The following DCDC1 variants were observed in gnomAD, a reference collection of about 807,000 sequenced individuals.
DCDC1 encodes the protein doublecortin domain containing 1.
Under a neutral mutation model 178.3 loss-of-function variants are expected in DCDC1, and 200 were observed. The observed-to-expected ratio is 1.12, with a 90% confidence interval of 1.00 to 1.26. The LOEUF (loss-of-function observed/expected upper bound fraction) is 1.26, where lower values mean the gene tolerates loss of function less well. Among genes scored for constraint, DCDC1 ranks in the 50% most tolerant of loss-of-function variants. The probability of loss-of-function intolerance (pLI) is 0.00; values close to 1 mark genes in which losing one functional copy is unlikely to be tolerated. For synonymous variants in DCDC1, 690 were observed against 604.8 expected, an observed-to-expected ratio of 1.14 and a Z score of -2.07; for missense variants, 1,983 against 1,749.2, an observed-to-expected ratio of 1.13 and a Z score of -2.38.
rs978743090 is a variant in DCDC1 at position 31,329,863 on chromosome 11, T to G, written c.-6-1577A>C. Among the ~76,000 whole-genome samples the G allele has an allele frequency of 3.9e-5, 6 of 152,188 alleles. No homozygotes were observed. In the East Asian group the frequency reaches 9.6e-4, roughly 24 times the overall value. On this transcript the variant is annotated intron_variant, in intron 2 of 38. Coordinates refer to ENST00000684477, the MANE Select transcript of DCDC1 (RefSeq NM_001387274.1). ...TGAATAGTGCCACAATAAACATACGTGTACATGTGTCTTTATAGCAGCATG... is the reference window on the plus strand; with the variant it reads ...TGAATAGTGCCACAATAAACATACGGGTACATGTGTCTTTATAGCAGCATG...
intron 9 of DCDC1, among the ~76,000 whole-genome samples, chr11:31,193,835 G>A (rs1970389675): frequency 6.6e-6 from 1 of 152,000 alleles, no homozygotes; most frequent in South Asian, 2.1e-4. Context: ...AGGTCTTATG[G>A]GTCAAAATGT....
intron 8 of DCDC1, among the ~76,000 whole-genome samples, chr11:31,242,976 CT>C (rs1977355126): frequency 6.6e-6 from 1 of 151,800 alleles, no homozygotes; most frequent in Non-Finnish European, 1.5e-5. Context: ...GAGCCAATGA[CT>C]ATTGAAACAT....
chr11:30,959,758 A>G (rs1214226836), intron 20 of DCDC1, among the ~76,000 whole-genome samples: 5 of 152,178 alleles, frequency 3.3e-5, no homozygotes, highest in African/African-American at 1.2e-4. Flanking sequence ...ATTAGAACCT[A>G]GGGACAAGAG....
intron 1 of DCDC1, among the ~76,000 whole-genome samples, chr11:31,341,812 T>TACACACACACACACAC (rs34730979): frequency 1.3e-3 from 188 of 144,572 alleles, no homozygotes; most frequent in African/African-American, 4.5e-3. Flanking sequence ...TGCATGACTA[T>TACACACACACACACAC]ACACACACAC....
intron 20 of DCDC1, among the ~76,000 whole-genome samples, chr11:30,988,587 T>C (rs776025998): frequency 6.6e-6 from 1 of 152,176 alleles, no homozygotes; most frequent in Non-Finnish European, 1.5e-5. Flanking sequence ...TTCTAGAACA[T>C]ACTAAGCCTT....
intron 11 of DCDC1, among the ~76,000 whole-genome samples, chr11:31,115,740 T>G (rs1377065392): frequency 5.3e-5 from 8 of 152,002 alleles, no homozygotes; most frequent in Non-Finnish European, 7.4e-5. Context: ...TGAGGACCAA[T>G]GTTGGTGAGG....
chr11:31,067,529 C>T (rs1003248447), intron 18 of DCDC1, among the ~76,000 whole-genome samples: 3 of 152,004 alleles, frequency 2.0e-5, no homozygotes, highest in African/African-American at 7.2e-5. Flanking sequence ...CCCAGCAATT[C>T]CACTCCTAGT....
At chr11:31,190,624 A>G (rs1970025740) in intron 9 of DCDC1, among the ~76,000 whole-genome samples, 1 of 152,094 alleles carries the variant, frequency 6.6e-6, no homozygotes, top group South Asian at 2.1e-4. Flanking sequence ...TGTCCAAAAA[A>G]TTTACCCTGA....
chr11:31,178,334 T>C (rs1354097219), intron 9 of DCDC1, among the ~76,000 whole-genome samples: 1 of 152,184 alleles, frequency 6.6e-6, no homozygotes, highest in African/African-American at 2.4e-5. Context: ...AATTGGATAT[T>C]CACATGCAGA....
At chr11:30,886,788 T>A (rs1023038421) in intron 36 of DCDC1, among the ~76,000 whole-genome samples, 1 of 151,424 alleles carries the variant, frequency 6.6e-6, no homozygotes, top group Admixed American at 6.6e-5. Flanking sequence ...AACCAAAGGG[T>A]ATGGCAGTTG....
chr11:31,218,814 T>C (rs1973892980), intron 9 of DCDC1, among the ~76,000 whole-genome samples: 1 of 152,150 alleles, frequency 6.6e-6, no homozygotes, highest in Non-Finnish European at 1.5e-5. Flanking sequence ...AACTAGTATA[T>C]TAGTTGTGTA....
At chr11:30,929,738 T>C (rs1273648775) in intron 22 of DCDC1, among the ~76,000 whole-genome samples, 2 of 152,076 alleles carry the variant, frequency 1.3e-5, no homozygotes, top group Non-Finnish European at 2.9e-5. Context: ...ATGTAACTTA[T>C]AAAATTTTTC....
intron 2 of DCDC1, among the ~76,000 whole-genome samples, chr11:31,333,496 TG>T (rs1447364037): frequency 1.3e-5 from 2 of 152,246 alleles, no homozygotes; most frequent in Non-Finnish European, 2.9e-5. Context: ...CAATTTGGCA[TG>T]TTTTTGCAGT....
rs376049865 is a variant in DCDC1, at chr11:31,094,136, T to G, written c.2032A>C (p.Ser678Arg). ...CTGCTTGCTTCACTGCCTGAGAAACTCCACTTTCCAATGGAAACAGAGGCA... is the reference window on the plus strand; with the variant it reads ...CTGCTTGCTTCACTGCCTGAGAAACGCCACTTTCCAATGGAAACAGAGGCA... The part of the protein sequence containing the change: ...LHASVSIGKW[S>R]FSGSEASSRS... Residue 678 changes from serine (S) to arginine (R), a missense_variant, in exon 16 of 39, where the codon AGT becomes CGT. Coordinates refer to ENST00000684477, the MANE Select transcript of DCDC1 (RefSeq NM_001387274.1). 318 of 766,116 alleles carry G rather than the reference T, an allele frequency of 4.2e-4. No individual in the cohort carries two copies. The highest frequency in any genetic ancestry group is 3.7e-3 in the South Asian group (275 of 74,610). 47.5% of individuals were successfully genotyped at this position (766,116 alleles called of 1,614,324 possible).
chr11:30,863,839 T>G lies in DCDC1; in HGVS notation c.*1534A>C, dbSNP rs1440790575. ...CATCCACAGTTCTGTGCACAAACAT[T>G]TTTTGGGCTGGGTGTGGTGGCTTAC... On this transcript the variant is annotated 3_prime_UTR_variant, in exon 39 of 39. Coordinates refer to ENST00000684477, the MANE Select transcript of DCDC1 (RefSeq NM_001387274.1). The G allele has an allele frequency of 6.6e-6, 1 of 152,130 alleles. No homozygotes were observed. Among genetic ancestry groups the G allele is most frequent in the Non-Finnish European group, 1.5e-5 (1 of 68,016 alleles). The allele number at this position is 152,130 out of a possible 1,614,324, so 9.4% of individuals were successfully genotyped here.
At chr11:31,247,764 T>C (rs1565493114) in intron 8 of DCDC1, among the ~76,000 whole-genome samples, 3 of 152,082 alleles carry the variant, frequency 2.0e-5, no homozygotes, top group Non-Finnish European at 4.4e-5. Context: ...AATGACTTGA[T>C]TTATACAAGT....
In DCDC1 at chr11:31,230,670, T is replaced by C. The variant is rs149320194; in HGVS notation, c.1221+10780A>G. ...ATGACTCCAGAATATTTTACTCACA[T>C]GCTATCTCAAAGAATTTAGAAAACT... On this transcript the variant is annotated intron_variant, in intron 9 of 38. Transcript: ENST00000684477. 3.9e-3 allele frequency among the ~76,000 whole-genome samples: 600 copies of C among 152,328 alleles called. 2 individuals are homozygous for C. The highest frequency in any genetic ancestry group is 0.014 in the African/African-American group (579 of 41,588).
chr11:30,953,418 C>T (rs1270122592), intron 20 of DCDC1, among the ~76,000 whole-genome samples: 2 of 151,148 alleles, frequency 1.3e-5, no homozygotes, highest in African/African-American at 2.4e-5. Context: ...AATGAAATAA[C>T]GTACTTGAAA....
At chr11:31,319,060 G>T (rs1365179853) in intron 3 of DCDC1, among the ~76,000 whole-genome samples, 1 of 18,284 alleles carries the variant, frequency 5.5e-5, no homozygotes, top group East Asian at 5.8e-4. Flanking sequence ...CATTTGCTGA[G>T]GAGAGCTTTA....
Sources: allele counts gnomAD v4.1 joint callset (sites outside exome capture counted in the v4.1 genomes callset), GRCh38; gene constraint gnomAD v4.1.1; transcripts MANE v1.5; gene names NCBI Gene and HGNC (gene_info 2026-07-23, HGNC 2026-07-21).